ERN1: variants seen among roughly 807,000 people sequenced by gnomAD.
The protein encoded by ERN1 is endoplasmic reticulum to nucleus signaling 1.
Under a neutral mutation model 113.1 loss-of-function variants are expected in ERN1, and 39 were observed. The observed-to-expected ratio is 0.34, with a 90% CI of 0.27 to 0.45. The LOEUF (loss-of-function observed/expected upper bound fraction) is 0.45. ERN1 is among the 20% of genes least tolerant of loss of function. The pLI is 1.00. For synonymous variants in ERN1, 507 were observed against 515.9 expected (o/e 0.98, Z 0.23); for missense variants, 976 against 1,274.8 (o/e 0.77, Z 3.57).
chr17:64,119,191 C>T (rs540673557), intron 1 of ERN1, among the ~76,000 whole-genome samples: 2 of 151,850 alleles, frequency 1.3e-5, no homozygotes, highest in African/African-American at 4.8e-5. Flanking sequence ...TTTAAATAAA[C>T]ATTTAAACAT....
chr17:64,096,140 C>T (rs1378448110), intron 2 of ERN1, among the ~76,000 whole-genome samples: 1 of 152,224 alleles, frequency 6.6e-6, no homozygotes, highest in East Asian at 1.9e-4. Flanking sequence ...GTGGATGGGT[C>T]TGTGGCCTGT....
chr17:64,118,936 G>T (rs1436177616), intron 1 of ERN1, among the ~76,000 whole-genome samples: 1 of 152,084 alleles, frequency 6.6e-6, no homozygotes, highest in African/African-American at 2.4e-5. Flanking sequence ...GTTCCTGTTG[G>T]TTCACAAGCT....
At chr17:64,120,594 T>C (rs768463048) in intron 1 of ERN1, among the ~76,000 whole-genome samples, 6 of 152,218 alleles carry the variant, frequency 3.9e-5, no homozygotes, top group Middle Eastern at 3.2e-3. Flanking sequence ...AAGGTTCATT[T>C]TTTTAACAGT....
intron 2 of ERN1, among the ~76,000 whole-genome samples, chr17:64,094,572 G>A (rs1021145122): frequency 7.3e-5 from 11 of 150,742 alleles, no homozygotes; most frequent in African/African-American, 2.2e-4. Context: ...ATCTCCTCCC[G>A]CCACATCAAC....
chr17:64,060,721 G>A, intron 10 of ERN1, 134 bp from the exon 11 acceptor site: 1 of 640,702 alleles, frequency 1.6e-6, no homozygotes, highest in Non-Finnish European at 2.8e-6. Flanking sequence ...GTGAGTTAGA[G>A]AAAATGAGTG....
chr17:64,059,550 G>C (rs1307639955), intron 11 of ERN1, among the ~76,000 whole-genome samples: 1 of 152,184 alleles, frequency 6.6e-6, no homozygotes, highest in Non-Finnish European at 1.5e-5. Context: ...GCCCCAGAAG[G>C]CTGACCTGTA....
chr17:64,106,475 C>T (rs1433905570), intron 1 of ERN1, among the ~76,000 whole-genome samples: 1 of 151,996 alleles, frequency 6.6e-6, no homozygotes, highest in African/African-American at 2.4e-5. Context: ...TGTGCCTATG[C>T]CAAAGCACCT....
At position 64,130,075 on chromosome 17, in the gene ERN1, G is replaced by A. The variant is rs893686991; in HGVS notation, c.-46C>T. On this transcript the variant is annotated 5_prime_UTR_variant, in exon 1 of 22. Transcript: ENST00000433197. The surrounding 1 kb of genome is among the most constrained non-coding windows in gnomAD (Gnocchi z 4.0). ...TCCGGGGGCGGTACGGACAGAGGACGGGGCGGGGGCGCCGCGACGACAGCG... is the reference window on the plus strand; with the variant it reads ...TCCGGGGGCGGTACGGACAGAGGACAGGGCGGGGGCGCCGCGACGACAGCG... The A allele has an allele frequency of 3.8e-6, 5 of 1,331,234 alleles. No homozygotes were observed. In the African/African-American group the frequency reaches 6.2e-5, roughly 16 times the overall value. 82.5% of individuals were successfully genotyped at this position (1,331,234 alleles called of 1,614,324 possible). A position where few individuals can be genotyped will look rare whatever the true frequency, so the allele number is the denominator to read the frequency against.
intron 4 of ERN1, among the ~76,000 whole-genome samples, chr17:64,077,529 G>A (rs1049031038): frequency 7.9e-5 from 12 of 152,256 alleles, no homozygotes; most frequent in African/African-American, 2.9e-4. Flanking sequence ...ATGGCAGCGT[G>A]TGGCCTTTTT....
At chr17:64,128,591 G>A (rs1256628362) in intron 1 of ERN1, among the ~76,000 whole-genome samples, 4 of 152,078 alleles carry the variant, frequency 2.6e-5, no homozygotes, top group African/African-American at 7.2e-5. Context: ...TGAAATGATC[G>A]AATTCATGTC....
chr17:64,049,048 CGCTCACCGT>C lies in ERN1; in HGVS notation c.2399_2401+6del. 6.3e-7 allele frequency: 1 copy of C among 1,577,284 alleles called. No individual in the cohort carries two copies. The highest frequency in any genetic ancestry group is 1.1e-5 in the South Asian group (1 of 88,502). On this transcript the variant is annotated splice_donor_variant and splice_donor_5th_base_variant and coding_sequence_variant and intron_variant, in exon 18 of 22. Transcript: ENST00000433197. LOFTEE classifies it high-confidence loss of function. The surrounding 1 kb of genome is among the most constrained non-coding windows in gnomAD (Gnocchi z 4.7). ...CTGCTCCCAACCCCAACCCCTGGAC[CGCTCACCGT>C]GCTTCTCTGGGTGCAAGCAGTCAAG... is the stretch of plus-strand genomic sequence containing the variant.
At chr17:64,065,336 T>C in intron 8 of ERN1, 49 bp from the exon 9 acceptor site, 2 of 1,403,840 alleles carry the variant, frequency 1.4e-6, no homozygotes, top group Non-Finnish European at 2.0e-6. Flanking sequence ...AATTTCCAGA[T>C]CCCACAGAAG....
At position 64,054,911 on chromosome 17, in the gene ERN1, G is replaced by T; in HGVS notation, c.1673-83C>A. The T allele has an allele frequency of 9.5e-7, 1 of 1,057,456 alleles. No individual in the cohort carries two copies. Among genetic ancestry groups the T allele is most frequent in the Non-Finnish European group, 1.4e-6 (1 of 720,284 alleles). 65.5% of individuals were successfully genotyped at this position (1,057,456 alleles called of 1,614,324 possible). ...AGGTTAACATAGTGACAAGCTTCCT[G>T]ACCTCAGATTAAAAGATGGGATTTA... On this transcript the variant is annotated intron_variant, in intron 13 of 21. Coordinates refer to ENST00000433197, the MANE Select transcript of ERN1 (RefSeq NM_001433.5). This position sits in a 1 kb window ranked among gnomAD's most constrained non-coding sequence, Gnocchi z 4.9.
At chr17:64,075,087 A>G in intron 5 of ERN1, 88 bp downstream of exon 5, 2 of 1,089,114 alleles carry the variant, frequency 1.8e-6, no homozygotes, top group East Asian at 2.6e-5. Flanking sequence ...CAAGGCGGTG[A>G]CTGCGCCCTC....
intron 2 of ERN1, among the ~76,000 whole-genome samples, chr17:64,096,379 T>C (rs1914229920): frequency 6.6e-6 from 1 of 152,252 alleles, no homozygotes; most frequent in Non-Finnish European, 1.5e-5. Flanking sequence ...TCTGTCACTG[T>C]TTCCCATCAC....
rs759962078 is a variant in ERN1, at chr17:64,080,792, G to T, written c.192C>A (p.Val64=). 2 of 1,610,722 alleles carry T rather than the reference G, an allele frequency of 1.2e-6. No homozygotes were observed. Among genetic ancestry groups the T allele is most frequent in the Admixed American group, 3.4e-5 (2 of 59,580 alleles). ...WTLKEDPVLQ[V]PTHVEEPAFL... ...AAACTTACTCTTCCACATGTGTTGG[G>T]ACCTGCAGGACTGGATCTGTGCAAA... is the stretch of plus-strand genomic sequence containing the variant. The change falls in exon 3 of 22, where the codon GTC becomes GTA. Residue 64 remains valine, a synonymous_variant. Transcript: ENST00000433197.
At chr17:64,083,396 TA>T (rs533099613) in intron 2 of ERN1, among the ~76,000 whole-genome samples, 7 of 148,994 alleles carry the variant, frequency 4.7e-5, no homozygotes, top group Admixed American at 6.7e-5. Context: ...ATTCTTGCTT[TA>T]AAAAAAAAAG....
chr17:64,094,202 T>C (rs910403246), intron 2 of ERN1, among the ~76,000 whole-genome samples: 4 of 152,232 alleles, frequency 2.6e-5, no homozygotes, highest in African/African-American at 4.8e-5. Flanking sequence ...GTACTTCTTT[T>C]GTTTGAAACA....
chr17:64,048,011 C>T, intron 18 of ERN1, 26 bp from the exon 19 acceptor site: 1 of 1,595,404 alleles, frequency 6.3e-7, no homozygotes. Flanking sequence ...ATAAGCAACT[C>T]ATGACTACCA....
Sources: allele counts gnomAD v4.1 joint callset (sites outside exome capture counted in the v4.1 genomes callset), GRCh38; gene constraint gnomAD v4.1.1; non-coding constraint Gnocchi (gnomAD v3.1); transcripts MANE v1.5; gene names NCBI Gene and HGNC (gene_info 2026-07-23, HGNC 2026-07-21).